The following PCDH11X variants were observed in gnomAD, a reference collection of about 807,000 sequenced individuals.
PCDH11X encodes the protein protocadherin 11 X-linked, also known as protocadherin-11 X-linked.
PCDH11X carries 18 observed loss-of-function variants against 53.3 expected under a neutral mutation model. The observed-to-expected ratio is 0.34, with a 90% CI of 0.23 to 0.50. The LOEUF (loss-of-function observed/expected upper bound fraction) is 0.50. Ranked by LOEUF, PCDH11X falls within the 20% of genes least tolerant of loss-of-function variation. The pLI is 0.98. For missense variants in PCDH11X, 570 were observed against 1,032.4 expected (o/e 0.55, Z 6.14); for synonymous variants, 279 against 393.3 (o/e 0.71, Z 3.44).
intron 5 of PCDH11X, among the ~76,000 whole-genome samples, chrX:91,838,508 C>T (rs1054639725): frequency 2.7e-5 from 3 of 111,191 alleles, no homozygotes; most frequent in Non-Finnish European, 3.8e-5. Context: ...ATGACATGGG[C>T]GACTTTAACT....
At chrX:92,441,137 G>A (rs2072506086) in intron 9 of PCDH11X, among the ~76,000 whole-genome samples, 1 of 107,848 alleles carries the variant, frequency 9.3e-6, no homozygotes, top group Non-Finnish European at 1.9e-5. Context: ...AAATTTCTAA[G>A]CAGCAAAGCA....
At chrX:92,617,980 A>G (rs1227062477) in intron 10 of PCDH11X, among the ~76,000 whole-genome samples, 2 of 111,319 alleles carry the variant, frequency 1.8e-5, no homozygotes, top group Non-Finnish European at 3.8e-5. Flanking sequence ...ATGAATGATC[A>G]TAGTTTCCTT....
chrX:92,160,576 G>T (rs1301434152), intron 6 of PCDH11X, among the ~76,000 whole-genome samples: 3 of 107,929 alleles, frequency 2.8e-5, no homozygotes, highest in African/African-American at 1.0e-4. Flanking sequence ...CATTTGGGCT[G>T]GTTCCATATT....
At chrX:92,221,299 A>G (rs1033797151) in intron 7 of PCDH11X, among the ~76,000 whole-genome samples, 8 of 104,894 alleles carry the variant, frequency 7.6e-5, no homozygotes, top group Non-Finnish European at 1.6e-4. Flanking sequence ...ACACACACAC[A>G]CACACACACA....
At chrX:91,843,036 G>C (rs1569408039) in intron 5 of PCDH11X, among the ~76,000 whole-genome samples, 1 of 108,593 alleles carries the variant, frequency 9.2e-6, no homozygotes, top group East Asian at 2.9e-4. Flanking sequence ...ATTTTGTCTA[G>C]ATGTAACAAC....
chrX:92,615,397 G>A (rs1426908941), intron 10 of PCDH11X, among the ~76,000 whole-genome samples: 1 of 111,701 alleles, frequency 9.0e-6, no homozygotes, highest in Non-Finnish European at 1.9e-5. Flanking sequence ...GCATGCTGGG[G>A]CACCCATTAA....
intron 6 of PCDH11X, among the ~76,000 whole-genome samples, chrX:92,176,859 T>G (rs1304518746): frequency 9.0e-6 from 1 of 111,560 alleles, no homozygotes; most frequent in African/African-American, 3.3e-5. Flanking sequence ...TACAGATCCT[T>G]AGAACAGATT....
chrX:92,130,359 T>G (rs981245976), intron 6 of PCDH11X, among the ~76,000 whole-genome samples: 5 of 110,812 alleles, frequency 4.5e-5, no homozygotes, highest in Non-Finnish European at 9.4e-5. Flanking sequence ...AAAAATTTAT[T>G]ATTGAGGCCG....
intron 8 of PCDH11X, among the ~76,000 whole-genome samples, chrX:92,381,886 T>G (rs2070882115): frequency 9.0e-6 from 1 of 111,158 alleles, no homozygotes; most frequent in South Asian, 3.8e-4. Context: ...TGACTAATAT[T>G]CTTAAAAATA....
At chrX:92,193,192 T>C (rs2066230450) in intron 6 of PCDH11X, among the ~76,000 whole-genome samples, 1 of 112,132 alleles carries the variant, frequency 8.9e-6, no homozygotes, top group African/African-American at 3.2e-5. Flanking sequence ...AAATTACATA[T>C]TGAAGGTAGT....
At chrX:91,962,221 C>A (rs1327548096) in intron 6 of PCDH11X, among the ~76,000 whole-genome samples, 21 of 110,025 alleles carry the variant, frequency 1.9e-4, no homozygotes, top group African/African-American at 6.7e-4. Flanking sequence ...ACAAGGCAAG[C>A]CCCTTCTGCC....
chrX:92,050,261 A>G (rs1425366582), intron 6 of PCDH11X, among the ~76,000 whole-genome samples: 1 of 106,709 alleles, frequency 9.4e-6, no homozygotes, highest in Non-Finnish European at 1.9e-5. Context: ...AAAAGCTGGC[A>G]TTCATACTTC....
At chrX:91,921,231 C>T (rs1036900525) in intron 6 of PCDH11X, among the ~76,000 whole-genome samples, 4 of 109,810 alleles carry the variant, frequency 3.6e-5, no homozygotes, top group African/African-American at 1.3e-4. Context: ...ATCTTCTCTA[C>T]CCTACACATG....
At chrX:91,788,800 G>A (rs1004172727) in intron 1 of PCDH11X, among the ~76,000 whole-genome samples, 4 of 111,934 alleles carry the variant, frequency 3.6e-5, no homozygotes, top group African/African-American at 9.7e-5. Context: ...CTACCAGAGC[G>A]TTGGATGATA....
chrX:91,889,791 C>CA (rs1940393196), intron 6 of PCDH11X, among the ~76,000 whole-genome samples: 1 of 108,785 alleles, frequency 9.2e-6, no homozygotes, highest in Non-Finnish European at 1.9e-5. Context: ...CATAAAGACA[C>CA]AGAATTTAGT....
chrX:92,266,328 G>A (rs1372196727), intron 8 of PCDH11X, among the ~76,000 whole-genome samples: 2 of 111,386 alleles, frequency 1.8e-5, no homozygotes, highest in East Asian at 2.8e-4. Flanking sequence ...TAAGGTTCTC[G>A]CATTTGTAAA....
At chrX:91,811,420 T>C (rs1936289682) in intron 4 of PCDH11X, 125 bp downstream of exon 4, 1 of 600,817 alleles carries the variant, frequency 1.7e-6, no homozygotes, top group South Asian at 3.5e-5. Flanking sequence ...AAGATTTGTT[T>C]TGAGTTTAAA....
At chrX:92,017,426 C>T (rs760224857) in intron 6 of PCDH11X, among the ~76,000 whole-genome samples, 12 of 108,059 alleles carry the variant, frequency 1.1e-4, no homozygotes, top group Admixed American at 7.0e-4. Flanking sequence ...AGGTGGGGCA[C>T]GGTGGCTCAC....
At chrX:91,781,663 T>TGC (rs1556137524) in intron 1 of PCDH11X, among the ~76,000 whole-genome samples, 4 of 109,927 alleles carry the variant, frequency 3.6e-5, no homozygotes, top group African/African-American at 6.6e-5. Flanking sequence ...TGTGTGTGTG[T>TGC]GCGCGTGTGT....
Sources: gnomAD v4.1 joint callset for allele counts (sites outside exome capture counted in the v4.1 genomes callset) on GRCh38, gnomAD v4.1.1 for gene constraint, MANE v1.5 for transcripts, NCBI Gene and HGNC (gene_info 2026-07-23, HGNC 2026-07-21) for gene names.